The following TRIM21 variants were observed in gnomAD, a reference collection of about 807,000 sequenced individuals.
TRIM21 encodes the protein E3 ubiquitin-protein ligase TRIM21.
In TRIM21, 35 loss-of-function variants were observed where a neutral mutation model predicts 36.1. That is an observed-to-expected ratio of 0.97 (90% CI 0.74 to 1.28). The LOEUF (loss-of-function observed/expected upper bound fraction) is 1.28, where lower values mean the gene tolerates loss of function less well. Among genes scored for constraint, TRIM21 ranks in the 50% most tolerant of loss-of-function variants. TRIM21 has a pLI of 0.00. For missense variants in TRIM21, 635 were observed against 570.7 expected, an observed-to-expected ratio of 1.11 and a Z score of -1.15; for synonymous variants, 256 against 211.5, an observed-to-expected ratio of 1.21 and a Z score of -1.83.
intron 3 of TRIM21, among the ~76,000 whole-genome samples, chr11:4,388,767 T>C (rs1051347466): frequency 1.7e-4 from 26 of 152,134 alleles, no homozygotes; most frequent in African/African-American, 6.3e-4. Flanking sequence ...GGGCACACTG[T>C]AGCTGGCCTA....
In TRIM21 at chr11:4,390,385, T is replaced by C. The variant is rs756479564; in HGVS notation, c.25A>G (p.Met9Val). ...GGGCATGTGACCTCCTCCCACATCA[T>C]TGTCAAGCGTGCTGCTGAAGCCATT... is the stretch of plus-strand genomic sequence containing the variant. The part of the protein sequence containing the change: MASAARLT[M>V]MWEEVTCPIC... The change falls in exon 2 of 7, where the codon ATG becomes GTG. Residue 9 changes from methionine (M) to valine (V), a missense_variant. Transcript: ENST00000254436. 2.3e-5 allele frequency: 37 copies of C among 1,609,898 alleles called. No homozygotes were observed. The highest frequency in any genetic ancestry group is 3.1e-5 in the Non-Finnish European group (36 of 1,176,636).
intron 3 of TRIM21, 117 bp from the exon 4 acceptor site, chr11:4,388,647 A>G: frequency 1.0e-6 from 1 of 955,294 alleles, no homozygotes; most frequent in Non-Finnish European, 1.6e-6. Context: ...CTGTCTGGGA[A>G]AACACACACA....
intron 6 of TRIM21, 94 bp from the exon 7 acceptor site, chr11:4,385,947 G>T: frequency 2.3e-6 from 3 of 1,311,148 alleles, no homozygotes; most frequent in South Asian, 2.9e-5. Flanking sequence ...TCCAGGGTAA[G>T]CATGAGGGGT....
chr11:4,388,534 T>C lies in TRIM21; in HGVS notation c.505-4A>G, dbSNP rs1378964077. 6 of 1,605,768 alleles carry C rather than the reference T, an allele frequency of 3.7e-6. No individual in the cohort carries two copies. The East Asian group carries it at 1.3e-4, about 36-fold the overall frequency. ...ATTTCTGTGTTTCCACTGTTTTCTTTAGTGTCAAGGGAAAGGGAGAGGTGG... is the reference window on the plus strand; with the variant it reads ...ATTTCTGTGTTTCCACTGTTTTCTTCAGTGTCAAGGGAAAGGGAGAGGTGG... On this transcript the variant is annotated splice_region_variant and splice_polypyrimidine_tract_variant and intron_variant, in intron 3 of 6. Coordinates refer to ENST00000254436, the MANE Select transcript of TRIM21 (RefSeq NM_003141.4).
chr11:4,387,582 G>T lies in TRIM21; in HGVS notation c.736-592C>A, dbSNP rs184690839. Among the ~76,000 whole-genome samples, 191 of 152,284 alleles carry T rather than the reference G, an allele frequency of 1.3e-3. 1 individual carries two copies. The highest frequency in any genetic ancestry group is 3.9e-3 in the Admixed American group (59 of 15,298). ...TGGAAAGCCTGGTTTACAGACAGGT[G>T]TAGTGGCTCACTCTTGTAATCCCAG... On this transcript the variant is annotated intron_variant, in intron 4 of 6. Coordinates refer to ENST00000254436, the MANE Select transcript of TRIM21 (RefSeq NM_003141.4).
chr11:4,390,118 T>G lies in TRIM21; in HGVS notation c.292A>C (p.Arg98=). The G allele has an allele frequency of 6.2e-7, 1 of 1,614,002 alleles. No individual in the cohort carries two copies. Among genetic ancestry groups the G allele is most frequent in the East Asian group, 2.2e-5 (1 of 44,886 alleles). The change falls in exon 2 of 7, where the codon AGA becomes CGA. Residue 98 remains arginine, a synonymous_variant. Transcript: ENST00000254436. The part of the protein sequence containing the change: ...QGERCAVHGE[R]LHLFCEKDGK... ...TCTTTCTCACAGAACAGGTGAAGTC[T>G]CTCTCCATGCACTGCACACCGTTCC...
chr11:4,392,912 C>T (rs2094964682), intron 1 of TRIM21, among the ~76,000 whole-genome samples: 1 of 152,136 alleles, frequency 6.6e-6, no homozygotes, highest in African/African-American at 2.4e-5. Flanking sequence ...TACCATGTAC[C>T]TTCCATGTGC....
At chr11:4,386,059 T>C in intron 6 of TRIM21, 98 bp downstream of exon 6, 1 of 1,245,502 alleles carries the variant, frequency 8.0e-7, no homozygotes, top group South Asian at 1.3e-5. Flanking sequence ...CCCCCTGCTC[T>C]GACCTGCCAT....
At chr11:4,387,022 G>C (rs1237265518) in intron 4 of TRIM21, 32 bp from the exon 5 acceptor site, 16 of 1,563,608 alleles carry the variant, frequency 1.0e-5, no homozygotes, top group Non-Finnish European at 1.4e-5. Context: ...AGTAAGTTCT[G>C]GATTGCTGGA....
At chr11:4,387,841 T>C (rs1033522092) in intron 4 of TRIM21, among the ~76,000 whole-genome samples, 7 of 152,008 alleles carry the variant, frequency 4.6e-5, no homozygotes, top group Non-Finnish European at 1.0e-4. Context: ...CATAAATAAA[T>C]AAATAAATAA....
At chr11:4,391,855 A>G (rs903520085) in intron 1 of TRIM21, among the ~76,000 whole-genome samples, 1 of 152,208 alleles carries the variant, frequency 6.6e-6, no homozygotes, top group Non-Finnish European at 1.5e-5. Flanking sequence ...GGTCTCACTC[A>G]TTTGTAGAAG....
In TRIM21 at chr11:4,390,238, A is replaced by G. The variant is rs2133053373; in HGVS notation, c.172T>C (p.Phe58Leu). 6.2e-7 allele frequency: 1 copy of G among 1,613,970 alleles called. No individual in the cohort carries two copies. Among genetic ancestry groups the G allele is most frequent in the Admixed American group, 1.7e-5 (1 of 60,006 alleles). ...TTGGGCCGGAGATTCTTGAGCAGAA[A>G]GCGCTGCCGGCACACAGGACAGACG... ...GSVCPVCRQR[F>L]LLKNLRPNRQ... The change falls in exon 2 of 7, where the codon TTT becomes CTT. Residue 58 changes from phenylalanine to leucine, a missense_variant. Phe to Leu is a conservative substitution (Grantham distance 22). Coordinates refer to ENST00000254436, the MANE Select transcript of TRIM21 (RefSeq NM_003141.4).
chr11:4,387,042 A>T (rs1261748543), intron 4 of TRIM21, 52 bp from the exon 5 acceptor site: 1 of 1,547,238 alleles, frequency 6.5e-7, no homozygotes, highest in Non-Finnish European at 8.8e-7. Flanking sequence ...ATCGCCACTG[A>T]GACATCAGCC....
chr11:4,388,662 C>A (rs1007015896), intron 3 of TRIM21, 132 bp from the exon 4 acceptor site: 2 of 817,682 alleles, frequency 2.4e-6, no homozygotes, highest in Non-Finnish European at 4.0e-6. Context: ...CACACACATG[C>A]ACACGCACAC....
At chr11:4,386,068 A>G (rs1431182722) in intron 6 of TRIM21, 89 bp downstream of exon 6, 1 of 1,308,318 alleles carries the variant, frequency 7.6e-7, no homozygotes, top group Non-Finnish European at 1.1e-6. Context: ...CTGACCTGCC[A>G]TCTCTCCTCC....
rs768080889 is a variant in TRIM21, at chr11:4,389,734, C to T, written c.424G>A (p.Ala142Thr). The change falls in exon 3 of 7, where the codon GCA becomes ACA. Residue 142 changes from alanine to threonine, a missense_variant. By Grantham distance (58) the Ala-to-Thr change is moderately conservative (BLOSUM62 0). Transcript: ENST00000254436. ...TGCTTTCTTCTCAGTTCCCCTAATG[C>T]CACCTGGAGCTTCTCCTGCAGAGAA... ...AQEYQEKLQV[A>T]LGELRRKQEL... is the part of the protein sequence containing the mutation. The T allele has an allele frequency of 1.9e-6, 3 of 1,613,954 alleles. No homozygotes were observed. The highest frequency in any genetic ancestry group is 1.7e-6 in the Non-Finnish European group (2 of 1,179,860).
In TRIM21 at chr11:4,385,569, AC is replaced by A; in HGVS notation, c.1143del (p.Trp381CysfsTer80). ...LSSKSGFWTI[W>X]LWNKQKYEAG... ...GCCTCATATTTTTGTTTGTTCCACA[AC>A]CAAATTGTCCAGAAGCCACTCTTGG... is the stretch of plus-strand genomic sequence containing the variant. On this transcript the variant is annotated frameshift_variant, in exon 7 of 7. Coordinates refer to ENST00000254436, the MANE Select transcript of TRIM21 (RefSeq NM_003141.4). LOFTEE classifies it low-confidence loss of function (END_TRUNC). 6.2e-7 allele frequency: 1 copy of A among 1,612,448 alleles called. No individual in the cohort carries two copies. The highest frequency in any genetic ancestry group is 2.2e-5 in the East Asian group (1 of 44,812).
At chr11:4,387,251 G>GTTTT (rs10700793) in intron 4 of TRIM21, among the ~76,000 whole-genome samples, 4 of 131,424 alleles carry the variant, frequency 3.0e-5, no homozygotes, top group African/African-American at 2.6e-5. Context: ...TCAAAGACCA[G>GTTTT]TTTTTTTTTT....
intron 1 of TRIM21, among the ~76,000 whole-genome samples, chr11:4,391,038 C>T (rs551965379): frequency 1.4e-4 from 22 of 152,280 alleles, no homozygotes; most frequent in African/African-American, 4.1e-4. Context: ...TCAAATATCC[C>T]ACAAGCACAG....
Sources: allele counts gnomAD v4.1 joint callset (sites outside exome capture counted in the v4.1 genomes callset), GRCh38; gene constraint gnomAD v4.1.1; transcripts MANE v1.5; gene names NCBI Gene and HGNC (gene_info 2026-07-23, HGNC 2026-07-21).